Variants in SND1 observed in about 807,000 individuals in gnomAD.
SND1 encodes staphylococcal nuclease and tudor domain containing 1, also known as staphylococcal nuclease domain-containing protein 1.
Under a neutral mutation model 121.7 loss-of-function variants are expected in SND1, and 38 were observed. That is an observed-to-expected ratio of 0.31 (90% CI 0.24 to 0.41). The LOEUF is 0.41. Ranked by LOEUF, SND1 falls within the 10% of genes least tolerant of loss-of-function variation. The pLI, the probability that SND1 is intolerant of heterozygous loss-of-function variation, is 1.00. For missense variants in SND1, 868 were observed against 1,184.6 expected, an observed-to-expected ratio of 0.73 and a Z score of 3.92; for synonymous variants, 401 against 447.4, an observed-to-expected ratio of 0.90 and a Z score of 1.31.
chr7:127,921,394 A>G lies in SND1; in HGVS notation c.1528-7794A>G, dbSNP rs1236196040. ...TTTTTAAGTATTTTAATACACTAGT[A>G]TTCAAAGTAGTGATCAAAGTAGATG... is the stretch of plus-strand genomic sequence containing the variant. On this transcript the variant is annotated intron_variant, in intron 14 of 23. Transcript: ENST00000354725. Among the ~76,000 whole-genome samples the G allele has an allele frequency of 2.6e-5, 4 of 152,278 alleles. No homozygotes were observed. In the South Asian group the frequency reaches 8.3e-4, roughly 32 times the overall value.
At chr7:127,754,886 G>C (rs1797166447) in intron 10 of SND1, among the ~76,000 whole-genome samples, 1 of 152,196 alleles carries the variant, frequency 6.6e-6, no homozygotes, top group Non-Finnish European at 1.5e-5. Context: ...AGCATTAAAA[G>C]CCTAACAGAG....
intron 12 of SND1, among the ~76,000 whole-genome samples, chr7:127,879,487 G>A (rs751949142): frequency 2.0e-5 from 3 of 152,114 alleles, no homozygotes; most frequent in Non-Finnish European, 4.4e-5. Flanking sequence ...CCACCCTGTT[G>A]TTGAATCCTG....
intron 13 of SND1, among the ~76,000 whole-genome samples, chr7:127,896,157 A>G (rs1044194809): frequency 2.6e-5 from 4 of 151,944 alleles, no homozygotes; most frequent in Admixed American, 1.3e-4. Context: ...TTAGCCATCA[A>G]TGTGTCTTCC....
intron 14 of SND1, among the ~76,000 whole-genome samples, chr7:127,926,370 AT>A (rs1451243757): frequency 6.6e-6 from 1 of 152,046 alleles, no homozygotes. Context: ...TGGATGAAAT[AT>A]CCATCTTTCC....
At chr7:127,801,515 A>G (rs963963806) in intron 10 of SND1, among the ~76,000 whole-genome samples, 1 of 152,082 alleles carries the variant, frequency 6.6e-6, no homozygotes, top group Non-Finnish European at 1.5e-5. Flanking sequence ...CCACCCACCT[A>G]CTGGAATCTG....
intron 10 of SND1, among the ~76,000 whole-genome samples, chr7:127,749,000 G>A (rs1483665469): frequency 6.6e-6 from 1 of 152,012 alleles, no homozygotes; most frequent in Non-Finnish European, 1.5e-5. Flanking sequence ...TGTGTAGGAG[G>A]GGGATATGCA....
At chr7:127,952,209 G>A (rs2116856160) in intron 15 of SND1, among the ~76,000 whole-genome samples, 1 of 152,296 alleles carries the variant, frequency 6.6e-6, no homozygotes, top group South Asian at 2.1e-4. Context: ...ATACAGGAAA[G>A]CGATGTATAT....
chr7:127,876,313 A>G (rs1246942556), intron 12 of SND1, among the ~76,000 whole-genome samples: 1 of 152,186 alleles, frequency 6.6e-6, no homozygotes, highest in Non-Finnish European at 1.5e-5. Context: ...ATTGGTCAGC[A>G]TCACCAGGAG....
intron 11 of SND1, among the ~76,000 whole-genome samples, chr7:127,836,203 G>C (rs1472102413): frequency 6.6e-6 from 1 of 151,990 alleles, no homozygotes; most frequent in Non-Finnish European, 1.5e-5. Flanking sequence ...GGAGTGGTTG[G>C]GATAGGAGAC....
At chr7:128,033,774 C>G (rs934472974) in intron 16 of SND1, among the ~76,000 whole-genome samples, 4 of 152,164 alleles carry the variant, frequency 2.6e-5, no homozygotes, top group African/African-American at 9.7e-5. Context: ...TGCCTAGGGT[C>G]ACTAGTAAGT....
intron 17 of SND1, among the ~76,000 whole-genome samples, chr7:128,078,753 G>A (rs1448209314): frequency 6.6e-6 from 1 of 152,270 alleles, no homozygotes; most frequent in Non-Finnish European, 1.5e-5. Context: ...ACACTGCTGA[G>A]GGGCCGCCTT....
intron 10 of SND1, among the ~76,000 whole-genome samples, chr7:127,785,384 A>AATATCACTTC (rs2116528496): frequency 6.6e-6 from 1 of 152,322 alleles, no homozygotes; most frequent in African/African-American, 2.4e-5. Flanking sequence ...CAGAAGTGAT[A>AATATCACTTC]TTGATTCATC....
In SND1 at chr7:127,784,211, T is replaced by G. The variant is rs115272435; in HGVS notation, c.1153-23273T>G. Among the ~76,000 whole-genome samples, 436 of 152,348 alleles carry G rather than the reference T, an allele frequency of 2.9e-3. 4 individuals are homozygous for G. The highest frequency in any genetic ancestry group is 9.2e-3 in the African/African-American group (384 of 41,584). On this transcript the variant is annotated intron_variant, in intron 10 of 23. Coordinates refer to ENST00000354725, the MANE Select transcript of SND1 (RefSeq NM_014390.4). Reference sequence around the variant, plus strand: ...GGCTCACTGTTTCAAGTATGACTGTTCATTTCTTCTTTGTAAAATTCAGAT... The same window carrying G: ...GGCTCACTGTTTCAAGTATGACTGTGCATTTCTTCTTTGTAAAATTCAGAT...
At chr7:127,922,198 T>TTTTTTTTTTTTTTTTTTTTTTTG (rs1800731864) in intron 14 of SND1, among the ~76,000 whole-genome samples, 1 of 126,874 alleles carries the variant, frequency 7.9e-6, no homozygotes, top group African/African-American at 3.0e-5. Flanking sequence ...TTTTTTTTTT[T>TTTTTTTTTTTTTTTTTTTTTTTG]TTTTTGTTTT....
chr7:127,826,489 T>C (rs941078651), intron 11 of SND1, among the ~76,000 whole-genome samples: 4 of 152,242 alleles, frequency 2.6e-5, no homozygotes, highest in African/African-American at 9.6e-5. Flanking sequence ...AAATCTTCTA[T>C]GTCTATTTAT....
chr7:128,053,687 G>T (rs1793086991), intron 16 of SND1, among the ~76,000 whole-genome samples: 1 of 151,932 alleles, frequency 6.6e-6, no homozygotes, highest in Non-Finnish European at 1.5e-5. Context: ...AGAGGATGGG[G>T]ATCCTGGATA....
In SND1 at chr7:128,040,437, TAAAAAAAAAA is replaced by T. The variant is rs67595921; in HGVS notation, c.1780-34045_1780-34036del. ...ATCAAACAGAGCAAGGTCCTATCTT[TAAAAAAAAAA>T]AAAAAAAAAAAAAAAAAAAGACATG... On this transcript the variant is annotated intron_variant, in intron 16 of 23. Coordinates refer to ENST00000354725, the MANE Select transcript of SND1 (RefSeq NM_014390.4). Among the ~76,000 whole-genome samples the T allele has an allele frequency of 2.0e-3, 65 of 32,898 alleles. 1 individual carries two copies. Among genetic ancestry groups the T allele is most frequent in the Admixed American group, 0.01 (19 of 1,826 alleles). The allele number at this position is 32,898 out of a possible 152,430, so 21.6% of individuals were successfully genotyped here.
rs182986125 is a variant in SND1 at position 127,932,606 on chromosome 7, C to G, written c.1669+3277C>G. Among the ~76,000 whole-genome samples the G allele has an allele frequency of 2.1e-4, 32 of 152,334 alleles. 1 individual carries two copies. In the East Asian group the frequency reaches 5.4e-3, roughly 26 times the overall value. ...CAGTGAATGAAATGCTATCCCACAG[C>G]ATTCCATGCTACAGAGAAATACTTT... On this transcript the variant is annotated intron_variant, in intron 15 of 23. Transcript: ENST00000354725.
intron 4 of SND1, among the ~76,000 whole-genome samples, chr7:127,700,772 A>G (rs1009251923): frequency 6.6e-6 from 1 of 152,114 alleles, no homozygotes; most frequent in Non-Finnish European, 1.5e-5. Flanking sequence ...AGTGGTTCTT[A>G]GTCGGCTTCT....
Sources: allele counts gnomAD v4.1 joint callset (sites outside exome capture counted in the v4.1 genomes callset), GRCh38; gene constraint gnomAD v4.1.1; transcripts MANE v1.5; gene names NCBI Gene and HGNC (gene_info 2026-07-23, HGNC 2026-07-21).